Variants in FANCB observed in about 807,000 individuals in gnomAD.
FANCB encodes Fanconi anemia group B protein.
A neutral mutation model predicts 38.9 loss-of-function variants in FANCB; 5 were observed. That is an observed-to-expected ratio of 0.13 (90% CI 0.07 to 0.27). The LOEUF (loss-of-function observed/expected upper bound fraction) is 0.27, where lower values mean the gene tolerates loss of function less well. Among genes scored for constraint, FANCB ranks in the 10% least tolerant of loss-of-function variants. The pLI is 1.00. For missense variants in FANCB, 573 were observed against 602.7 expected, an observed-to-expected ratio of 0.95 and a Z score of 0.52; for synonymous variants, 236 against 215.4, an observed-to-expected ratio of 1.10 and a Z score of -0.84.
chrX:14,813,280 A>G, the FANCB span, among the ~76,000 whole-genome samples: 31 of 104,654 alleles, frequency 3.0e-4, no homozygotes, highest in Non-Finnish European at 5.7e-4. Flanking sequence ...CTCTCTCACC[A>G]CTCCTATTCA....
chrX:14,852,455 C>A (rs1234224319), intron 6 of FANCB, among the ~76,000 whole-genome samples: 1 of 111,058 alleles, frequency 9.0e-6, no homozygotes, highest in Non-Finnish European at 1.9e-5. Context: ...GCATGAGCCA[C>A]CACGCCCGGC....
chrX:14,731,521 T>A, the FANCB span: 1 of 111,729 alleles, frequency 9.0e-6, no homozygotes, highest in Non-Finnish European at 1.9e-5. Context: ...AACTGACCCA[T>A]GATTTCTACT....
the FANCB span, among the ~76,000 whole-genome samples, chrX:14,724,626 C>CAAAAA: frequency 1.0e-4 from 5 of 49,579 alleles, 1 homozygote; most frequent in African/African-American, 1.7e-4. Context: ...AACTCTGTCT[C>CAAAAA]AAAAAAAAAA....
chrX:14,767,882 C>T, the FANCB span, among the ~76,000 whole-genome samples: 1 of 111,862 alleles, frequency 8.9e-6, no homozygotes, highest in South Asian at 3.7e-4. Flanking sequence ...GGAAGGAGTC[C>T]AGTTTCAGTT....
chrX:14,818,807 C>A, the FANCB span, among the ~76,000 whole-genome samples: 3 of 112,005 alleles, frequency 2.7e-5, no homozygotes, highest in South Asian at 1.1e-3. Context: ...TTATTTTACT[C>A]GTACGAAGTC....
At chrX:14,867,762 C>CA (rs55818806) in intron 2 of FANCB, among the ~76,000 whole-genome samples, 313 of 40,408 alleles carry the variant, frequency 7.7e-3, no homozygotes, top group African/African-American at 0.023. Context: ...TTTGCCCAGC[C>CA]AAAAAAAAAA....
chrX:14,850,445 C>A (rs888779318), intron 7 of FANCB, 60 bp downstream of exon 7: 1 of 922,347 alleles, frequency 1.1e-6, no homozygotes, highest in African/African-American at 1.9e-5. Flanking sequence ...ACATTAATTT[C>A]TATTGGACAG....
chrX:14,801,047 A>T, the FANCB span, among the ~76,000 whole-genome samples: 3 of 110,787 alleles, frequency 2.7e-5, no homozygotes, highest in Non-Finnish European at 5.7e-5. Context: ...CCGAAGCAGA[A>T]GCAGAAGCAG....
the FANCB span, among the ~76,000 whole-genome samples, chrX:14,778,786 T>C: frequency 8.9e-6 from 1 of 112,560 alleles, no homozygotes; most frequent in Admixed American, 9.4e-5. Flanking sequence ...ACCATTTTCC[T>C]TTCAACAGAA....
chrX:14,697,211 G>A, the FANCB span, among the ~76,000 whole-genome samples: 5 of 112,051 alleles, frequency 4.5e-5, no homozygotes, highest in Non-Finnish European at 9.4e-5. Flanking sequence ...TGTGAGTAAT[G>A]CAATCATACA....
the FANCB span, among the ~76,000 whole-genome samples, chrX:14,778,990 AT>A: frequency 8.9e-6 from 1 of 112,226 alleles, no homozygotes; most frequent in East Asian, 2.8e-4. Flanking sequence ...GGCAAAGCAC[AT>A]GATGCCTGGG....
the FANCB span, among the ~76,000 whole-genome samples, chrX:14,814,941 C>T: frequency 2.7e-5 from 3 of 111,840 alleles, no homozygotes; most frequent in Admixed American, 9.5e-5. Context: ...CAGTGATAGA[C>T]TAGATTAAGA....
At chrX:14,696,784 T>A in the FANCB span, among the ~76,000 whole-genome samples, 1 of 111,972 alleles carries the variant, frequency 8.9e-6, no homozygotes, top group Non-Finnish European at 1.9e-5. Context: ...TTAAAAGATG[T>A]TTTAGAGATG....
chrX:14,749,407 C>A, the FANCB span, among the ~76,000 whole-genome samples: 1 of 110,810 alleles, frequency 9.0e-6, no homozygotes, highest in Non-Finnish European at 1.9e-5. Context: ...TATGCCAAAA[C>A]CCTTACCTGG....
the FANCB span, among the ~76,000 whole-genome samples, chrX:14,712,085 A>G: frequency 8.8e-6 from 1 of 113,043 alleles, no homozygotes; most frequent in Non-Finnish European, 1.9e-5. Context: ...TTGCCTTGGC[A>G]TAACATTACC....
the FANCB span, among the ~76,000 whole-genome samples, chrX:14,761,347 G>C: frequency 0.036 from 4,008 of 110,957 alleles, 140 homozygotes; most frequent in African/African-American, 0.11. Context: ...ATTTGAGAAA[G>C]AGTCTGGATA....
At chrX:14,796,693 T>TACACAC in the FANCB span, among the ~76,000 whole-genome samples, 48 of 92,115 alleles carry the variant, frequency 5.2e-4, no homozygotes, top group Non-Finnish European at 6.6e-4. Context: ...CGTCTATATA[T>TACACAC]ACACACACAC....
Position 14,853,024 on chromosome X carries a change from CAT to C in FANCB, c.1326+13_1326+14del, listed in dbSNP as rs762852341. The C allele has an allele frequency of 1.8e-5, 21 of 1,185,992 alleles. No homozygotes were observed. In the South Asian group the frequency reaches 2.7e-4, roughly 15 times the overall value. ...AATTCATAAAATGATAAAATGGTCA[CAT>C]GATTACTTTTACCTCCTCTGCACTT... On this transcript the variant is annotated intron_variant, in intron 6 of 9. Coordinates refer to ENST00000650831, the MANE Select transcript of FANCB (RefSeq NM_001018113.3).
the FANCB span, among the ~76,000 whole-genome samples, chrX:14,802,107 C>G: frequency 2.7e-5 from 3 of 110,650 alleles, no homozygotes; most frequent in Non-Finnish European, 5.7e-5. Context: ...TAATATCATT[C>G]GAGGCAATGT....
Sources: allele counts gnomAD v4.1 joint callset (sites outside exome capture counted in the v4.1 genomes callset), GRCh38; gene constraint gnomAD v4.1.1; transcripts MANE v1.5; gene names NCBI Gene and HGNC (gene_info 2026-07-23, HGNC 2026-07-21).